Variants in MAN1A1 observed in about 807,000 individuals in gnomAD.
MAN1A1 encodes mannosyl-oligosaccharide 1,2-alpha-mannosidase IA.
MAN1A1 carries 29 observed loss-of-function variants against 70.8 expected under a neutral mutation model. The ratio of observed to expected loss-of-function variants is 0.41; its 90% CI spans 0.31 to 0.56. The LOEUF is 0.56. Ranked by LOEUF, MAN1A1 falls within the 20% of genes least tolerant of loss-of-function variation. MAN1A1 has a pLI of 0.29. For synonymous variants in MAN1A1, 349 were observed against 330.1 expected, an observed-to-expected ratio of 1.06 and a Z score of -0.62; for missense variants, 747 against 841.3, an observed-to-expected ratio of 0.89 and a Z score of 1.39.
Position 119,348,779 on chromosome 6 carries a change from T to A in MAN1A1, c.287A>T (p.Asp96Val). ...GCGCCGGGCTCGCCCCTCGGCCGCGTCCTCGGCGCGCGCCCCGGGCCCGGG... is the reference window on the plus strand; with the variant it reads ...GCGCCGGGCTCGCCCCTCGGCCGCGACCTCGGCGCGCGCCCCGGGCCCGGG... ...HKPGPGARAE[D>V]AAEGRARRRE... Residue 96 changes from aspartate to valine, a missense_variant, in exon 2 of 13, where the codon GAC becomes GTC. Physicochemically the swap from Asp to Val is radical, Grantham distance 152. Coordinates refer to ENST00000368468, the MANE Select transcript of MAN1A1 (RefSeq NM_005907.4). The A allele has an allele frequency of 7.0e-7, 1 of 1,424,720 alleles. No homozygotes were observed. The highest frequency in any genetic ancestry group is 9.2e-7 in the Non-Finnish European group (1 of 1,089,652). The allele number at this position is 1,424,720 out of a possible 1,614,324, so 88.3% of individuals were successfully genotyped here.
At chr6:119,228,010 T>A (rs953902495) in intron 6 of MAN1A1, among the ~76,000 whole-genome samples, 4 of 152,178 alleles carry the variant, frequency 2.6e-5, no homozygotes, top group Admixed American at 1.3e-4. Context: ...CAAAACTTTT[T>A]AAAAAATATG....
At chr6:119,298,936 C>T (rs1008256588) in intron 4 of MAN1A1, among the ~76,000 whole-genome samples, 1 of 151,794 alleles carries the variant, frequency 6.6e-6, no homozygotes, top group African/African-American at 2.4e-5. Flanking sequence ...ATTAGAATAC[C>T]TTATCAGGAA....
intron 5 of MAN1A1, among the ~76,000 whole-genome samples, chr6:119,263,079 C>A (rs1775654186): frequency 6.6e-6 from 1 of 152,168 alleles, no homozygotes; most frequent in African/African-American, 2.4e-5. Context: ...CCTCAAACAT[C>A]AGACTTCAAG....
In MAN1A1 at chr6:119,216,154, A is replaced by G. The variant is rs113255394; in HGVS notation, c.993-11272T>C. 1.3e-4 allele frequency among the ~76,000 whole-genome samples: 20 copies of G among 152,328 alleles called. 1 individual carries two copies. Among genetic ancestry groups the G allele is most frequent in the African/African-American group, 4.8e-4 (20 of 41,572 alleles). On this transcript the variant is annotated intron_variant, in intron 6 of 12. Coordinates refer to ENST00000368468, the MANE Select transcript of MAN1A1 (RefSeq NM_005907.4). ...TACACAGGGACACTAGGCCAGATCA[A>G]GCGTTTCAATTTATTCTAAGTGCAG...
At chr6:119,335,246 C>T (rs532340561) in intron 2 of MAN1A1, among the ~76,000 whole-genome samples, 11 of 152,340 alleles carry the variant, frequency 7.2e-5, no homozygotes, top group African/African-American at 1.9e-4. Flanking sequence ...TTCCTTATCA[C>T]TCCTACCAAT....
intron 5 of MAN1A1, among the ~76,000 whole-genome samples, chr6:119,289,147 C>T (rs1776463959): frequency 1.3e-5 from 2 of 151,566 alleles, no homozygotes; most frequent in South Asian, 4.1e-4. Context: ...TGAGTGAAAA[C>T]GTATCCTAAT....
intron 6 of MAN1A1, among the ~76,000 whole-genome samples, chr6:119,207,373 A>G (rs1445157955): frequency 6.6e-6 from 1 of 152,230 alleles, no homozygotes; most frequent in African/African-American, 2.4e-5. Context: ...TTTGGTTACC[A>G]TTCATTCAGT....
intron 2 of MAN1A1, among the ~76,000 whole-genome samples, chr6:119,312,864 T>C (rs935739443): frequency 1.1e-4 from 17 of 152,196 alleles, no homozygotes; most frequent in African/African-American, 4.1e-4. Flanking sequence ...TCAATTTTGC[T>C]ACAAGCCTAA....
At chr6:119,254,695 C>T (rs2357163) in intron 5 of MAN1A1, among the ~76,000 whole-genome samples, 112,713 of 152,068 alleles carry the variant, frequency 0.74, 42,234 homozygotes, top group Non-Finnish European at 0.81. Flanking sequence ...AACTAGCAAT[C>T]AGTTTGGGAT....
chr6:119,237,381 A>G (rs753640243), intron 6 of MAN1A1, among the ~76,000 whole-genome samples: 17 of 152,178 alleles, frequency 1.1e-4, no homozygotes, highest in Non-Finnish European at 2.2e-4. Flanking sequence ...GTGGTGGCTC[A>G]CACCTGTAAT....
chr6:119,342,917 C>G (rs1327279145), intron 2 of MAN1A1, among the ~76,000 whole-genome samples: 1 of 152,076 alleles, frequency 6.6e-6, no homozygotes, highest in Non-Finnish European at 1.5e-5. Flanking sequence ...TCTTCTCTCC[C>G]TTCCTTCTTC....
intron 2 of MAN1A1, among the ~76,000 whole-genome samples, chr6:119,340,752 A>C (rs992623854): frequency 5.9e-5 from 9 of 152,234 alleles, no homozygotes; most frequent in African/African-American, 2.2e-4. Flanking sequence ...TGCTAATACT[A>C]AACACTCCCA....
At chr6:119,277,167 A>C (rs1471115862) in intron 5 of MAN1A1, among the ~76,000 whole-genome samples, 1 of 152,194 alleles carries the variant, frequency 6.6e-6, no homozygotes, top group Non-Finnish European at 1.5e-5. Flanking sequence ...GCTAAATTAC[A>C]AGACTGGAGC....
chr6:119,229,605 T>C (rs1774619870), intron 6 of MAN1A1, among the ~76,000 whole-genome samples: 1 of 152,220 alleles, frequency 6.6e-6, no homozygotes, highest in Non-Finnish European at 1.5e-5. Context: ...ATCAATGGCA[T>C]CCACTTATGT....
chr6:119,268,919 C>A (rs553878410), intron 5 of MAN1A1, among the ~76,000 whole-genome samples: 26 of 152,204 alleles, frequency 1.7e-4, no homozygotes, highest in African/African-American at 6.3e-4. Flanking sequence ...AACGAGTAGG[C>A]CATAGACAAA....
chr6:119,262,316 T>C (rs928127497), intron 5 of MAN1A1, among the ~76,000 whole-genome samples: 4 of 152,116 alleles, frequency 2.6e-5, no homozygotes, highest in South Asian at 4.1e-4. Flanking sequence ...CTGATAACCA[T>C]GGGAAAAAGA....
intron 2 of MAN1A1, among the ~76,000 whole-genome samples, chr6:119,333,562 GA>G (rs1197041523): frequency 6.6e-6 from 1 of 152,174 alleles, no homozygotes; most frequent in African/African-American, 2.4e-5. Context: ...AAGTACCACA[GA>G]AAAAGACAGC....
chr6:119,290,527 T>C (rs1005401425), intron 5 of MAN1A1, among the ~76,000 whole-genome samples, 156 bp downstream of exon 5: 1 of 152,044 alleles, frequency 6.6e-6, no homozygotes. Context: ...ATTTCATTAG[T>C]ACATATTGTA....
chr6:119,304,174 AC>A (rs1177201120), intron 3 of MAN1A1, among the ~76,000 whole-genome samples: 2 of 152,236 alleles, frequency 1.3e-5, no homozygotes, highest in African/African-American at 2.4e-5. Context: ...GAATATTAAA[AC>A]ACTTGATTTT....
Sources: gnomAD v4.1 joint callset for allele counts (sites outside exome capture counted in the v4.1 genomes callset) on GRCh38, gnomAD v4.1.1 for gene constraint, MANE v1.5 for transcripts, NCBI Gene and HGNC (gene_info 2026-07-23, HGNC 2026-07-21) for gene names.